Variants in LRRC8D observed in about 807,000 individuals in gnomAD.
LRRC8D encodes volume-regulated anion channel subunit LRRC8D.
In LRRC8D, 20 loss-of-function variants were observed where a neutral mutation model predicts 55.8. The ratio of observed to expected loss-of-function variants is 0.36; its 90% CI spans 0.25 to 0.52. The LOEUF (loss-of-function observed/expected upper bound fraction) is 0.52, where lower values mean the gene tolerates loss of function less well. Among genes scored for constraint, LRRC8D ranks in the 20% least tolerant of loss-of-function variants. LRRC8D has a pLI of 0.93. For synonymous variants in LRRC8D, 352 were observed against 377.0 expected (o/e 0.93, Z 0.77); for missense variants, 651 against 1,030.8 (o/e 0.63, Z 5.05).
chr1:89,862,038 A>C (rs1661731670), intron 2 of LRRC8D, among the ~76,000 whole-genome samples: 1 of 152,186 alleles, frequency 6.6e-6, no homozygotes, highest in Non-Finnish European at 1.5e-5. Flanking sequence ...TGCTTGGCAG[A>C]GTGATATCAT....
Position 89,933,146 on chromosome 1 carries a change from G to A in LRRC8D, c.78G>A (p.Val26=), listed in dbSNP as rs781425490. ...TYRILKPWWD[V]FMDYLAVVML... is the part of the protein sequence containing the mutation. ...GAATCCTGAAACCATGGTGGGATGT[G>A]TTTATGGATTACCTAGCTGTTGTTA... Residue 26 remains valine (V), a synonymous_variant, in exon 3 of 3, where the codon GTG becomes GTA. Coordinates refer to ENST00000337338, the MANE Select transcript of LRRC8D (RefSeq NM_001134479.2). The surrounding 1 kb of genome is among the most constrained non-coding windows in gnomAD (Gnocchi z 7.0). 6.2e-7 allele frequency: 1 copy of A among 1,614,200 alleles called. No individual in the cohort carries two copies. The highest frequency in any genetic ancestry group is 8.5e-7 in the Non-Finnish European group (1 of 1,180,028).
At chr1:89,825,206 C>A (rs1660735336) in intron 1 of LRRC8D, among the ~76,000 whole-genome samples, 1 of 152,092 alleles carries the variant, frequency 6.6e-6, no homozygotes, top group Non-Finnish European at 1.5e-5. Flanking sequence ...AGTTTGGGGG[C>A]TCTATTGGTC....
intron 1 of LRRC8D, among the ~76,000 whole-genome samples, chr1:89,827,273 T>G (rs1309734480): frequency 6.9e-6 from 1 of 145,658 alleles, no homozygotes; most frequent in Non-Finnish European, 1.5e-5. Context: ...TCACTTGAAC[T>G]CAAGAGGCGG....
chr1:89,844,376 C>T (rs887188420), intron 2 of LRRC8D, among the ~76,000 whole-genome samples: 1 of 152,130 alleles, frequency 6.6e-6, no homozygotes, highest in Admixed American at 6.5e-5. Context: ...CCATGCCAAA[C>T]AGAGGGAATT....
At chr1:89,823,259 A>G (rs1660682704) in intron 1 of LRRC8D, among the ~76,000 whole-genome samples, 1 of 152,190 alleles carries the variant, frequency 6.6e-6, no homozygotes, top group African/African-American at 2.4e-5. Context: ...AGCCATATTC[A>G]TATCATTTTC....
intron 2 of LRRC8D, among the ~76,000 whole-genome samples, chr1:89,930,505 A>G (rs1337716286): frequency 6.6e-6 from 1 of 152,106 alleles, no homozygotes; most frequent in Non-Finnish European, 1.5e-5. Flanking sequence ...TGGGACCACC[A>G]TCATATATGC....
intron 1 of LRRC8D, among the ~76,000 whole-genome samples, chr1:89,824,995 C>A (rs1660729770): frequency 6.6e-6 from 1 of 152,218 alleles, no homozygotes; most frequent in Admixed American, 6.5e-5. Context: ...GCTCTGTGAG[C>A]TGCTGCATCC....
At chr1:89,879,410 C>T (rs1662224829) in intron 2 of LRRC8D, among the ~76,000 whole-genome samples, 1 of 152,088 alleles carries the variant, frequency 6.6e-6, no homozygotes, top group Admixed American at 6.5e-5. Context: ...AGAACTAGAG[C>T]CGTCCAGTAG....
At chr1:89,821,756 C>T (rs1557436178) in intron 1 of LRRC8D, among the ~76,000 whole-genome samples, 1 of 152,168 alleles carries the variant, frequency 6.6e-6, no homozygotes, top group East Asian at 2.0e-4. Flanking sequence ...CCAGAATCGC[C>T]TCCCCTCCGC....
At chr1:89,849,679 G>A (rs899961183) in intron 2 of LRRC8D, among the ~76,000 whole-genome samples, 7 of 151,822 alleles carry the variant, frequency 4.6e-5, no homozygotes, top group African/African-American at 1.7e-4. Context: ...GTCTTTTTAT[G>A]TCTTTAGCCT....
At chr1:89,849,257 A>G (rs1394486031) in intron 2 of LRRC8D, among the ~76,000 whole-genome samples, 1 of 152,216 alleles carries the variant, frequency 6.6e-6, no homozygotes, top group Non-Finnish European at 1.5e-5. Flanking sequence ...GGGACATGAA[A>G]GGGTCAACAT....
chr1:89,821,710 C>G (rs1660638138), intron 1 of LRRC8D, among the ~76,000 whole-genome samples: 1 of 152,118 alleles, frequency 6.6e-6, no homozygotes, highest in Non-Finnish European at 1.5e-5. Context: ...TCTGGCCTTG[C>G]TGGCCCGGCG....
intron 2 of LRRC8D, among the ~76,000 whole-genome samples, chr1:89,892,660 A>C (rs1449418091): frequency 1.3e-5 from 2 of 152,056 alleles, no homozygotes; most frequent in African/African-American, 4.8e-5. Flanking sequence ...CTGGGGCTAT[A>C]GGCGCCCGCC....
At chr1:89,847,317 C>A (rs1661305224) in intron 2 of LRRC8D, among the ~76,000 whole-genome samples, 1 of 152,164 alleles carries the variant, frequency 6.6e-6, no homozygotes, top group Admixed American at 6.5e-5. Context: ...CCTATAACTT[C>A]CCCTCTGTAA....
chr1:89,828,971 G>C (rs1254420958), intron 1 of LRRC8D, among the ~76,000 whole-genome samples: 1 of 152,176 alleles, frequency 6.6e-6, no homozygotes, highest in Non-Finnish European at 1.5e-5. Flanking sequence ...AGAAAGCTGT[G>C]TCTCAAAATC....
rs1169961751 is a variant in LRRC8D, at chr1:89,843,378, T to TGTGA, written c.-147-258_-147-255dup. 4 of 301,910 alleles carry TGTGA rather than the reference T, an allele frequency of 1.3e-5. No individual in the cohort carries two copies. In the South Asian group the frequency reaches 4.3e-4, roughly 32 times the overall value. 18.7% of individuals were successfully genotyped at this position (301,910 alleles called of 1,614,324 possible). On this transcript the variant is annotated intron_variant, in intron 1 of 2. Transcript: ENST00000337338. The stretch of plus-strand genomic sequence containing the variant: ...GAGCAGCAGCTGCAAACGGAAGGGC[T>TGTGA]GTGAGCGAGCGGGCGGGCGGGTGGC...
At chr1:89,842,102 T>G (rs1356689986) in intron 1 of LRRC8D, among the ~76,000 whole-genome samples, 2 of 151,336 alleles carry the variant, frequency 1.3e-5, no homozygotes, top group Non-Finnish European at 2.9e-5. Context: ...AGTTTAAGCT[T>G]CTCGGGAGGC....
intron 2 of LRRC8D, among the ~76,000 whole-genome samples, chr1:89,859,207 G>T (rs187945323): frequency 6.6e-6 from 1 of 151,484 alleles, no homozygotes; most frequent in Non-Finnish European, 1.5e-5. Context: ...TAGACTATTC[G>T]GTAAATGTAG....
At chr1:89,908,442 G>A (rs1429700077) in intron 2 of LRRC8D, among the ~76,000 whole-genome samples, 1 of 152,096 alleles carries the variant, frequency 6.6e-6, no homozygotes, top group Non-Finnish European at 1.5e-5. Context: ...TTCCAGTACA[G>A]CCACTAGATC....
Sources: gnomAD v4.1 joint callset for allele counts (sites outside exome capture counted in the v4.1 genomes callset) on GRCh38, gnomAD v4.1.1 for gene constraint, Gnocchi (gnomAD v3.1) non-coding constraint, MANE v1.5 for transcripts, NCBI Gene and HGNC (gene_info 2026-07-23, HGNC 2026-07-21) for gene names.